Variants in DNAH3 observed in about 807,000 individuals in gnomAD.
DNAH3 encodes the protein axonemal beta dynein heavy chain 3.
In DNAH3, 332 loss-of-function variants were observed where a neutral mutation model predicts 432.5. The ratio of observed to expected loss-of-function variants is 0.77; its 90% confidence interval spans 0.70 to 0.84. The LOEUF is 0.84. DNAH3 is among the 40% of genes least tolerant of loss of function. The pLI is 0.00. For synonymous variants in DNAH3, 1,956 were observed against 1,900.2 expected, an observed-to-expected ratio of 1.03 and a Z score of -0.76; for missense variants, 4,861 against 5,114.0, an observed-to-expected ratio of 0.95 and a Z score of 1.51.
chr16:20,987,635 G>A, intron 46 of DNAH3, 58 bp downstream of exon 46: 1 of 1,588,320 alleles, frequency 6.3e-7, no homozygotes, highest in East Asian at 2.2e-5. Context: ...ATTACTACAT[G>A]TTCTATGTAG....
intron 18 of DNAH3, among the ~76,000 whole-genome samples, chr16:21,089,992 A>G (rs1487443801): frequency 6.6e-6 from 1 of 152,160 alleles, no homozygotes; most frequent in African/African-American, 2.4e-5. Context: ...AAGATGGGAT[A>G]TCACTACCAA....
In DNAH3 at chr16:21,037,990, CAA is replaced by C; in HGVS notation, c.4731-12_4731-11del. ...GATCTTCTGGGCGAGACTAGAAGGG[CAA>C]AGACATGTATGCGGACACCCAGAGA... On this transcript the variant is annotated splice_polypyrimidine_tract_variant and intron_variant, in intron 33 of 61. Transcript: ENST00000261383. 1 of 1,613,044 alleles carries C rather than the reference CAA, an allele frequency of 6.2e-7. No homozygotes were observed. Among genetic ancestry groups the C allele is most frequent in the East Asian group, 2.2e-5 (1 of 44,858 alleles).
At chr16:21,098,142 G>C (rs538087674) in intron 17 of DNAH3, among the ~76,000 whole-genome samples, 1 of 152,272 alleles carries the variant, frequency 6.6e-6, no homozygotes, top group East Asian at 1.9e-4. Flanking sequence ...ATGGGAAAAG[G>C]TAGTTGAAAG....
intron 38 of DNAH3, among the ~76,000 whole-genome samples, chr16:21,026,417 C>T (rs1321904068): frequency 1.3e-5 from 2 of 151,982 alleles, no homozygotes; most frequent in Admixed American, 6.6e-5. Flanking sequence ...AAGAAGGGAA[C>T]GATTGGCTGG....
At chr16:21,120,725 T>C (rs1555565686) in intron 11 of DNAH3, 8 of 1,588,178 alleles carry the variant, frequency 5.0e-6, no homozygotes, top group Non-Finnish European at 6.9e-6. Flanking sequence ...TCAAATGTAG[T>C]ACCGGCCCTG....
chr16:21,100,141 G>A (rs554717319), intron 16 of DNAH3, among the ~76,000 whole-genome samples: 12 of 151,812 alleles, frequency 7.9e-5, no homozygotes, highest in South Asian at 2.1e-4. Context: ...GCACAATCTC[G>A]GCTCATTGTA....
chr16:21,084,019 C>G (rs2091281750), intron 19 of DNAH3, among the ~76,000 whole-genome samples: 1 of 152,176 alleles, frequency 6.6e-6, no homozygotes, highest in South Asian at 2.1e-4. Flanking sequence ...ACTGCCCGCT[C>G]CCTTCCTCTG....
intron 52 of DNAH3, 76 bp downstream of exon 52, chr16:20,969,716 G>T: frequency 6.6e-7 from 1 of 1,511,170 alleles, no homozygotes; most frequent in South Asian, 1.1e-5. Flanking sequence ...AGTCGACTTG[G>T]GGATGCAGTG....
At chr16:21,033,929 G>A (rs1325722441) in intron 36 of DNAH3, 45 bp downstream of exon 36, 12 of 1,404,118 alleles carry the variant, frequency 8.5e-6, no homozygotes, top group Middle Eastern at 1.9e-4. Flanking sequence ...AGCCAACTGA[G>A]CGAGGAGTTC....
exon 24 of DNAH3, chr16:21,067,335 T>C: frequency 1.9e-6 from 3 of 1,614,108 alleles, no homozygotes; most frequent in Non-Finnish European, 2.5e-6. Flanking sequence ...CCTTTCTGGA[T>C]GTCCTCCAAG....
In DNAH3 at chr16:21,154,084, C is replaced by G. The variant is rs545024845; in HGVS notation, c.117+5241G>C. Among the ~76,000 whole-genome samples, 3 of 152,336 alleles carry G rather than the reference C, an allele frequency of 2.0e-5. No homozygotes were observed. The East Asian group carries it at 5.8e-4, about 29-fold the overall frequency. On this transcript the variant is annotated intron_variant, in intron 1 of 61. Transcript: ENST00000261383. ...GTGAAACCTCATGTCCCACCAAAAACAGCAACTGTAATCCAATGAAGTGAA... is the reference window on the plus strand; with the variant it reads ...GTGAAACCTCATGTCCCACCAAAAAGAGCAACTGTAATCCAATGAAGTGAA...
chr16:21,089,766 AAAG>A (rs1325716012), intron 18 of DNAH3, among the ~76,000 whole-genome samples: 2 of 152,134 alleles, frequency 1.3e-5, no homozygotes, highest in African/African-American at 4.8e-5. Context: ...GTAACTAGAA[AAAG>A]AAGAGCAAGA....
intron 6 of DNAH3, among the ~76,000 whole-genome samples, chr16:21,135,529 C>T (rs191794730): frequency 1.3e-5 from 2 of 152,168 alleles, no homozygotes; most frequent in East Asian, 3.9e-4. Flanking sequence ...CTTGTCTCTA[C>T]TAAAAATACA....
rs202040075 is a variant in DNAH3, at chr16:21,082,843, T to A, written c.2878-1116A>T. On this transcript the variant is annotated intron_variant, in intron 19 of 61. Transcript: ENST00000261383. The stretch of plus-strand genomic sequence containing the variant: ...ACTCCATCTCAAAAAAAAAAAAAAA[T>A]TAACACAAATGGCTCACGTTATATT... Among the ~76,000 whole-genome samples, 60 of 62,086 alleles carry A rather than the reference T, an allele frequency of 9.7e-4. 1 individual carries two copies. Among genetic ancestry groups the A allele is most frequent in the East Asian group, 1.8e-3 (4 of 2,238 alleles). 40.7% of individuals were successfully genotyped at this position (62,086 alleles called of 152,430 possible).
At chr16:21,154,724 G>A (rs1385877634) in intron 1 of DNAH3, among the ~76,000 whole-genome samples, 2 of 152,170 alleles carry the variant, frequency 1.3e-5, no homozygotes, top group African/African-American at 2.4e-5. Flanking sequence ...TAGGTCATCA[G>A]GAAAGCTTGA....
chr16:21,037,333 A>T (rs2089222455), intron 34 of DNAH3, among the ~76,000 whole-genome samples: 1 of 152,068 alleles, frequency 6.6e-6, no homozygotes, highest in South Asian at 2.1e-4. Context: ...AAACAAAAAA[A>T]CCGTGTAATT....
At chr16:21,015,285 G>A (rs1185880446) in intron 41 of DNAH3, among the ~76,000 whole-genome samples, 6 of 152,164 alleles carry the variant, frequency 3.9e-5, no homozygotes, top group Admixed American at 3.9e-4. Flanking sequence ...ATTGCTAAGT[G>A]AAATAAGGCA....
intron 41 of DNAH3, among the ~76,000 whole-genome samples, chr16:21,012,954 C>T (rs746394713): frequency 9.2e-5 from 14 of 151,946 alleles, no homozygotes; most frequent in African/African-American, 2.4e-4. Flanking sequence ...TTTGTAAAGA[C>T]GGGATTTTGA....
exon 25 of DNAH3, chr16:21,062,565 C>T: frequency 1.2e-6 from 2 of 1,614,172 alleles, no homozygotes; most frequent in Non-Finnish European, 1.7e-6. Context: ...TCCAGATTGT[C>T]TGTAAACTCA....
Sources: allele counts gnomAD v4.1 joint callset (sites outside exome capture counted in the v4.1 genomes callset), GRCh38; gene constraint gnomAD v4.1.1; transcripts MANE v1.5; gene names NCBI Gene and HGNC (gene_info 2026-07-23, HGNC 2026-07-21).